PCGF3: variants seen among roughly 807,000 people sequenced by gnomAD.
PCGF3 encodes polycomb group ring finger 3.
A neutral mutation model predicts 33.1 loss-of-function variants in PCGF3; 7 were observed. The observed-to-expected ratio is 0.21, with a 90% CI of 0.12 to 0.40. The LOEUF (loss-of-function observed/expected upper bound fraction) is 0.40, where lower values mean the gene tolerates loss of function less well. PCGF3 is among the 10% of genes least tolerant of loss of function. The pLI, the probability that PCGF3 is intolerant of heterozygous loss-of-function variation, is 1.00. For missense variants in PCGF3, 211 were observed against 313.3 expected, an observed-to-expected ratio of 0.67 and a Z score of 2.46; for synonymous variants, 153 against 121.3, an observed-to-expected ratio of 1.26 and a Z score of -1.72.
At chr4:734,832 G>T (rs1233192476) in intron 4 of PCGF3, 99 bp from the exon 5 acceptor site, 1 of 1,502,084 alleles carries the variant, frequency 6.7e-7, no homozygotes, top group African/African-American at 1.4e-5. Flanking sequence ...CATCTGCACA[G>T]AAACGAGCTC....
exon 11 of PCGF3, chr4:768,252 C>T (rs1305786562): frequency 1.3e-5 from 2 of 152,640 alleles, no homozygotes; most frequent in Non-Finnish European, 2.9e-5. Flanking sequence ...AGGAGTTCAT[C>T]GTGCAGACAG....
chr4:754,005 C>G (rs1006935228), intron 8 of PCGF3, among the ~76,000 whole-genome samples: 1 of 152,184 alleles, frequency 6.6e-6, no homozygotes, highest in South Asian at 2.1e-4. Flanking sequence ...GTTCTGGGTC[C>G]TGGCAGGAGT....
intron 4 of PCGF3, chr4:734,295 T>TA: frequency 6.9e-7 from 1 of 1,453,018 alleles, no homozygotes; most frequent in Non-Finnish European, 9.1e-7. Flanking sequence ...GCTCGGCTCT[T>TA]ATGCTAACCT....
rs1745056337 is a variant in PCGF3, at chr4:761,504, GTTTTT to G, written c.600+89_600+93del. ...AAGATTCTTTGCTTAGTTTTGTTTTGTTTTTAACAATTTTGGAGATTTTAACCAGA... is the reference window on the plus strand; with the variant it reads ...AAGATTCTTTGCTTAGTTTTGTTTTGAACAATTTTGGAGATTTTAACCAGA... On this transcript the variant is annotated intron_variant, in intron 9 of 10. Coordinates refer to ENST00000362003, the Ensembl canonical transcript of PCGF3. 3.5e-6 allele frequency: 5 copies of G among 1,447,670 alleles called. No individual in the cohort carries two copies. The Admixed American group carries it at 7.5e-5, about 22-fold the overall frequency. The allele number at this position is 1,447,670 out of a possible 1,614,324, so 89.7% of individuals were successfully genotyped here.
intron 8 of PCGF3, among the ~76,000 whole-genome samples, chr4:750,563 AGGT>A (rs1744466924): frequency 6.6e-6 from 1 of 152,072 alleles, no homozygotes; most frequent in Non-Finnish European, 1.5e-5. Flanking sequence ...CTGTGGCGTG[AGGT>A]GGTGGTGAGA....
At chr4:758,443 TCTC>T (rs1449446303) in intron 8 of PCGF3, among the ~76,000 whole-genome samples, 13 of 137,836 alleles carry the variant, frequency 9.4e-5, no homozygotes, top group African/African-American at 2.8e-4. Context: ...CCCGAGTTCT[TCTC>T]CTTCCGGACT....
chr4:755,518 C>A (rs187568961), intron 8 of PCGF3, among the ~76,000 whole-genome samples: 10 of 152,330 alleles, frequency 6.6e-5, no homozygotes, highest in African/African-American at 2.4e-4. Context: ...TTTCTTCGAC[C>A]TATCATCATC....
At chr4:765,582 T>C (rs1745322517) in intron 10 of PCGF3, among the ~76,000 whole-genome samples, 1 of 152,192 alleles carries the variant, frequency 6.6e-6, no homozygotes. Flanking sequence ...GCTGAGGCCA[T>C]GAGTGCCATG....
chr4:733,105 G>A (rs1272593390), intron 3 of PCGF3, among the ~76,000 whole-genome samples: 1 of 122,444 alleles, frequency 8.2e-6, no homozygotes, highest in African/African-American at 3.4e-5. Flanking sequence ...CCCCTGCCCC[G>A]TGCTGCCTCA....
At chr4:766,998 G>T (rs531541151) in exon 11 of PCGF3, 14 of 152,486 alleles carry the variant, frequency 9.2e-5, no homozygotes, top group African/African-American at 3.1e-4. Flanking sequence ...CCTGGCATCC[G>T]TGGGGAGGAT....
intron 8 of PCGF3, among the ~76,000 whole-genome samples, chr4:760,029 G>A (rs1744961234): frequency 6.6e-6 from 1 of 152,180 alleles, no homozygotes; most frequent in African/African-American, 2.4e-5. Context: ...TGTGATGCTT[G>A]CAGGCGGCCT....
In PCGF3 at chr4:761,340, G is replaced by A. The variant is rs1388151810; in HGVS notation, c.524G>A (p.Arg175His). Reference sequence around the variant, plus strand: ...CGCGGGCTGAAGCGGAAGTGGATCCGCTGCTCAGCCCAGGCGACCGTCTTG... The same window carrying A: ...CGCGGGCTGAAGCGGAAGTGGATCCACTGCTCAGCCCAGGCGACCGTCTTG... Residue 175 changes from arginine (R) to histidine (H), a missense_variant, in exon 9 of 11, where the codon CGC becomes CAC. By Grantham distance (29) the Arg-to-His change is conservative. Coordinates refer to ENST00000362003, the Ensembl canonical transcript of PCGF3. The A allele has an allele frequency of 8.1e-6, 13 of 1,610,630 alleles. No homozygotes were observed. The Admixed American group carries it at 2.2e-4, about 27-fold the overall frequency.
intron 6 of PCGF3, among the ~76,000 whole-genome samples, chr4:741,763 CCTT>C (rs1305364310): frequency 6.6e-6 from 1 of 152,176 alleles, no homozygotes; most frequent in East Asian, 1.9e-4. Flanking sequence ...TATTTTTAAT[CCTT>C]CTTTATTCTT....
At chr4:744,159 T>C (rs1190024579) in intron 7 of PCGF3, among the ~76,000 whole-genome samples, 2 of 151,940 alleles carry the variant, frequency 1.3e-5, no homozygotes, top group East Asian at 3.9e-4. Flanking sequence ...AGGAAGCGAG[T>C]CTGGGAACCA....
intron 8 of PCGF3, among the ~76,000 whole-genome samples, chr4:759,962 T>C (rs929802294): frequency 2.0e-5 from 3 of 152,102 alleles, no homozygotes; most frequent in South Asian, 2.1e-4. Context: ...ACGGCCTCTC[T>C]CCCGAGTTCT....
At chr4:706,665 C>G (rs1173053287) in intron 1 of PCGF3, among the ~76,000 whole-genome samples, 2 of 134,812 alleles carry the variant, frequency 1.5e-5, no homozygotes. Context: ...GGCGAAGACC[C>G]CAGCCCAGGC....
intron 1 of PCGF3, chr4:725,132 CCA>C (rs1743269733): frequency 6.6e-6 from 1 of 152,354 alleles, no homozygotes; most frequent in Admixed American, 6.5e-5. Flanking sequence ...AGGGAGCTTC[CCA>C]CACTGTTCAG....
intron 1 of PCGF3, among the ~76,000 whole-genome samples, chr4:729,429 AAAT>A (rs1213489726): frequency 6.7e-6 from 1 of 148,588 alleles, no homozygotes; most frequent in Non-Finnish European, 1.5e-5. Context: ...AAAAAAAAAG[AAAT>A]AATAATAATT....
chr4:766,912 T>G (rs1343813449), exon 11 of PCGF3: 1 of 152,306 alleles, frequency 6.6e-6, no homozygotes, highest in Non-Finnish European at 1.5e-5. Context: ...AGTGCCGCCG[T>G]TTGGTTTCCT....
Sources: gnomAD v4.1 joint callset for allele counts (sites outside exome capture counted in the v4.1 genomes callset) on GRCh38, gnomAD v4.1.1 for gene constraint, MANE v1.5 for transcripts, NCBI Gene and HGNC (gene_info 2026-07-23, HGNC 2026-07-21) for gene names.